Variants in MTHFD1 observed in about 807,000 individuals in gnomAD.
The protein encoded by MTHFD1 is methylenetetrahydrofolate dehydrogenase, cyclohydrolase and formyltetrahydrofolate synthetase 1.
MTHFD1 carries 44 observed loss-of-function variants against 110.3 expected under a neutral mutation model. The ratio of observed to expected loss-of-function variants is 0.40; its 90% CI spans 0.31 to 0.51. MTHFD1 has a LOEUF of 0.51. MTHFD1 is among the 20% of genes least tolerant of loss of function. The probability of loss-of-function intolerance (pLI) is 0.60; values close to 1 mark genes in which losing one functional copy is unlikely to be tolerated. For missense variants in MTHFD1, 909 were observed against 1,173.1 expected (o/e 0.77, Z 3.29); for synonymous variants, 402 against 428.8 (o/e 0.94, Z 0.77).
rs530580740 is a variant in MTHFD1 at position 64,398,187 on chromosome 14, A to G, written c.42-2606A>G. 5.3e-5 allele frequency among the ~76,000 whole-genome samples: 8 copies of G among 152,220 alleles called. No individual in the cohort carries two copies. The South Asian group carries it at 1.0e-3, about 20-fold the overall frequency. On this transcript the variant is annotated intron_variant, in intron 1 of 27. Coordinates refer to ENST00000652337, the MANE Select transcript of MTHFD1 (RefSeq NM_005956.4). The stretch of plus-strand genomic sequence containing the variant: ...TTAAAAAAAAAAATTCCAATGGTCT[A>G]TTCTTCTTTTGAGCTATATTATTGT...
At chr14:64,447,133 C>T (rs1337063681) in intron 22 of MTHFD1, among the ~76,000 whole-genome samples, 6 of 150,434 alleles carry the variant, frequency 4.0e-5, no homozygotes, top group African/African-American at 1.2e-4. Context: ...TGTGAGCTAC[C>T]ACATCCAGCT....
intron 26 of MTHFD1, 97 bp downstream of exon 26, chr14:64,454,972 C>T (rs1365938724): frequency 1.6e-6 from 2 of 1,290,124 alleles, no homozygotes; most frequent in East Asian, 4.6e-5. Flanking sequence ...GAGCAGAGTT[C>T]ACTGCCCAGA....
chr14:64,432,480 T>C (rs1009509437), intron 15 of MTHFD1, among the ~76,000 whole-genome samples: 4 of 152,250 alleles, frequency 2.6e-5, no homozygotes, highest in Non-Finnish European at 5.9e-5. Flanking sequence ...AATCTAAATG[T>C]CTTTCATTGG....
chr14:64,442,243 T>G lies in MTHFD1; in HGVS notation c.1997-20T>G. ...AGGGGAATTGGGATGGCATTTTTAC[T>G]GTTGCTTTCCTCTTTACAGTGACGG... is the stretch of plus-strand genomic sequence containing the variant. On this transcript the variant is annotated intron_variant, in intron 20 of 27. Transcript: ENST00000652337. 6.2e-7 allele frequency: 1 copy of G among 1,614,260 alleles called. No homozygotes were observed.
chr14:64,458,764 AT>A (rs1474259041), intron 27 of MTHFD1: 5 of 204,982 alleles, frequency 2.4e-5, no homozygotes, highest in Non-Finnish European at 5.0e-5. Flanking sequence ...AACAGGACCA[AT>A]CTGGCAGTTC....
chr14:64,398,309 G>T (rs951940741), intron 1 of MTHFD1, among the ~76,000 whole-genome samples: 4 of 152,168 alleles, frequency 2.6e-5, no homozygotes, highest in African/African-American at 9.7e-5. Context: ...CTTTTGGGAG[G>T]CCAAGGTGGG....
At chr14:64,448,905 T>C (rs2078324759) in intron 23 of MTHFD1, among the ~76,000 whole-genome samples, 1 of 152,044 alleles carries the variant, frequency 6.6e-6, no homozygotes, top group African/African-American at 2.4e-5. Context: ...GTTCATGCCA[T>C]TCTCCTGCCT....
At chr14:64,388,549 T>C in intron 1 of MTHFD1, 81 bp downstream of exon 1, 1 of 1,294,082 alleles carries the variant, frequency 7.7e-7, no homozygotes, top group Non-Finnish European at 1.1e-6. Context: ...ACCCATTTTT[T>C]GCGGGAGGGA....
rs1197149477 is a variant in MTHFD1, at chr14:64,439,177, C to A, written c.1674+5C>A. ...GAGAAGGGTCACACACGGACGGTAA[C>A]AATTTGTCCCTTTCCAAGGAAATTA... On this transcript the variant is annotated splice_donor_5th_base_variant and intron_variant, in intron 17 of 27. Transcript: ENST00000652337. 5.0e-6 allele frequency: 8 copies of A among 1,610,716 alleles called. No homozygotes were observed. The South Asian group carries it at 6.6e-5, about 13-fold the overall frequency.
At chr14:64,430,048 A>G in intron 12 of MTHFD1, 136 bp from the exon 13 acceptor site, 1 of 842,288 alleles carries the variant, frequency 1.2e-6, no homozygotes, top group Non-Finnish European at 2.0e-6. Flanking sequence ...CACTTGATCA[A>G]AACTGTCCAA....
chr14:64,449,681 C>G (rs768078804), intron 24 of MTHFD1, 59 bp downstream of exon 24: 12 of 1,579,642 alleles, frequency 7.6e-6, no homozygotes, highest in Non-Finnish European at 1.0e-5. Context: ...AGTGAAGTTT[C>G]TGTGTGGCTA....
chr14:64,449,215 G>A (rs1019579680), intron 23 of MTHFD1: 8 of 595,194 alleles, frequency 1.3e-5, no homozygotes, highest in Middle Eastern at 4.5e-4. Context: ...AATAAGTGCT[G>A]TGATTATTCG....
chr14:64,391,970 G>A (rs978367111), intron 1 of MTHFD1, among the ~76,000 whole-genome samples: 1 of 152,190 alleles, frequency 6.6e-6, no homozygotes, highest in South Asian at 2.1e-4. Context: ...ATTGTGAGCT[G>A]GTGGGAAGCA....
At position 64,415,686 on chromosome 14, in the gene MTHFD1, A is replaced by T; in HGVS notation, c.425A>T (p.Asp142Val). Residue 142 changes from aspartate to valine, a missense_variant, in exon 6 of 28, where the codon GAC becomes GTC. By Grantham distance (152) the Asp-to-Val change is radical. Coordinates refer to ENST00000652337, the MANE Select transcript of MTHFD1 (RefSeq NM_005956.4). ...AAACTTGCTAGAGGTGACCTCAATG[A>T]CTGTTTCATTCCTTGTACGCCTAAG... The part of the protein sequence containing the change: ...AGKLARGDLN[D>V]CFIPCTPKGC... 1 of 1,613,998 alleles carries T rather than the reference A, an allele frequency of 6.2e-7. No homozygotes were observed. The highest frequency in any genetic ancestry group is 1.1e-5 in the South Asian group (1 of 91,078).
chr14:64,440,360 C>T (rs866795627), intron 18 of MTHFD1, 94 bp downstream of exon 18: 1 of 1,401,796 alleles, frequency 7.1e-7, no homozygotes, highest in Non-Finnish European at 1.0e-6. Flanking sequence ...TAATGCTGTA[C>T]TTAAGACATT....
intron 4 of MTHFD1, among the ~76,000 whole-genome samples, chr14:64,413,317 A>C (rs2077999594): frequency 6.6e-6 from 1 of 152,088 alleles, no homozygotes; most frequent in Non-Finnish European, 1.5e-5. Context: ...GTACCATTGC[A>C]CTCCAACCTG....
Position 64,454,890 on chromosome 14 carries a change from C to A in MTHFD1, c.2718+15C>A, listed in dbSNP as rs778065296. 8 of 1,613,656 alleles carry A rather than the reference C, an allele frequency of 5.0e-6. No homozygotes were observed. The highest frequency in any genetic ancestry group is 5.1e-6 in the Non-Finnish European group (6 of 1,179,694). ...TAGTAGGAACGGTAAGTGCATGCTG[C>A]AAGGGAGTAGTGGGCGCATCTGCAC... On this transcript the variant is annotated intron_variant, in intron 26 of 27. Transcript: ENST00000652337.
chr14:64,393,663 C>T (rs1024272552), intron 1 of MTHFD1, among the ~76,000 whole-genome samples: 7 of 152,104 alleles, frequency 4.6e-5, no homozygotes, highest in Non-Finnish European at 8.8e-5. Flanking sequence ...ATGTGGTTTG[C>T]AAATAAGTGT....
chr14:64,426,439 G>T (rs190093604), intron 11 of MTHFD1, among the ~76,000 whole-genome samples: 1 of 152,110 alleles, frequency 6.6e-6, no homozygotes, highest in African/African-American at 2.4e-5. Context: ...CTTAAAACCC[G>T]GTCTTAAGAT....
Sources: allele counts gnomAD v4.1 joint callset (sites outside exome capture counted in the v4.1 genomes callset), GRCh38; gene constraint gnomAD v4.1.1; transcripts MANE v1.5; gene names NCBI Gene and HGNC (gene_info 2026-07-23, HGNC 2026-07-21).